The following RELN variants were observed in gnomAD, a reference collection of about 807,000 sequenced individuals.
RELN encodes reelin.
A neutral mutation model predicts 427.6 loss-of-function variants in RELN; 108 were observed. The observed-to-expected ratio is 0.25, with a 90% CI of 0.22 to 0.30. RELN has a LOEUF of 0.30. Among genes scored for constraint, RELN ranks in the 10% least tolerant of loss-of-function variants. The pLI is 1.00. For missense variants in RELN, 3,715 were observed against 4,302.8 expected, an observed-to-expected ratio of 0.86 and a Z score of 3.82; for synonymous variants, 1,524 against 1,513.4, an observed-to-expected ratio of 1.01 and a Z score of -0.16.
Position 103,850,036 on chromosome 7 carries a change from T to C in RELN, c.338-16364A>G, listed in dbSNP as rs112494874. 5.1e-3 allele frequency among the ~76,000 whole-genome samples: 773 copies of C among 152,328 alleles called. 8 individuals carry two copies. The highest frequency in any genetic ancestry group is 0.018 in the African/African-American group (744 of 41,578). On this transcript the variant is annotated intron_variant, in intron 2 of 64. Coordinates refer to ENST00000428762, the MANE Select transcript of RELN (RefSeq NM_005045.4). ...ATCTCCATAATTTCATAATACCAAG[T>C]GAATGGTTCTATCATTGAACATACC...
chr7:103,706,974 C>T, intron 8 of RELN, among the ~76,000 whole-genome samples: 1 of 152,124 alleles, frequency 6.6e-6, no homozygotes, highest in Non-Finnish European at 1.5e-5. Context: ...GTAGACCCTC[C>T]TCCTGCTCAT....
intron 3 of RELN, among the ~76,000 whole-genome samples, chr7:103,791,897 C>T (rs1392812598): frequency 1.3e-5 from 2 of 151,922 alleles, no homozygotes; most frequent in African/African-American, 4.8e-5. Context: ...ATAAGTAACT[C>T]AATTTAAAAA....
intron 53 of RELN, among the ~76,000 whole-genome samples, chr7:103,499,813 G>A (rs923824703): frequency 2.0e-5 from 3 of 152,150 alleles, no homozygotes; most frequent in African/African-American, 7.2e-5. Context: ...TTATCCAACT[G>A]AGGAATACTA....
chr7:103,870,198 T>C (rs575889209), intron 2 of RELN, among the ~76,000 whole-genome samples: 2 of 152,256 alleles, frequency 1.3e-5, no homozygotes, highest in South Asian at 4.1e-4. Flanking sequence ...CTATGTATAA[T>C]ATCTTTAAAG....
intron 46 of RELN, among the ~76,000 whole-genome samples, chr7:103,529,118 G>C (rs535039595): frequency 5.4e-4 from 76 of 139,816 alleles, no homozygotes; most frequent in African/African-American, 1.9e-3. Flanking sequence ...CCTGACAACA[G>C]AGTGAGACTC....
At chr7:103,792,622 TA>T (rs1209306078) in intron 3 of RELN, among the ~76,000 whole-genome samples, 1 of 151,998 alleles carries the variant, frequency 6.6e-6, no homozygotes, top group Non-Finnish European at 1.5e-5. Flanking sequence ...GGGTGTCTTT[TA>T]GGGGTAATAA....
rs1246797984 is a variant in RELN at position 103,492,042 on chromosome 7, A to C, written c.9370-16T>G. The C allele has an allele frequency of 1.9e-6, 3 of 1,589,806 alleles. No homozygotes were observed. Among genetic ancestry groups the C allele is most frequent in the Non-Finnish European group, 2.6e-6 (3 of 1,159,352 alleles). On this transcript the variant is annotated splice_polypyrimidine_tract_variant and intron_variant, in intron 57 of 64. Coordinates refer to ENST00000428762, the MANE Select transcript of RELN (RefSeq NM_005045.4). ...CCACCACAATCTAAAACAAACATAA[A>C]CAATCAATACACAGGTAAGATTAGA... is the stretch of plus-strand genomic sequence containing the variant.
chr7:103,617,200 G>A (rs1051699863), intron 20 of RELN, among the ~76,000 whole-genome samples: 3 of 152,018 alleles, frequency 2.0e-5, no homozygotes, highest in African/African-American at 7.2e-5. Flanking sequence ...CATGGACTTT[G>A]CCCATTTTTA....
intron 10 of RELN, among the ~76,000 whole-genome samples, chr7:103,685,616 A>G (rs944521640): frequency 2.0e-5 from 3 of 152,106 alleles, no homozygotes; most frequent in South Asian, 2.1e-4. Flanking sequence ...ACATTATTAT[A>G]TAATTATAAT....
At chr7:103,828,834 C>T (rs952261793) in intron 3 of RELN, among the ~76,000 whole-genome samples, 20 of 151,932 alleles carry the variant, frequency 1.3e-4, no homozygotes, top group Admixed American at 3.9e-4. Context: ...AGGAAACACA[C>T]GTGGGCCACC....
intron 2 of RELN, among the ~76,000 whole-genome samples, chr7:103,857,827 TC>T (rs1793981524): frequency 1.3e-5 from 2 of 152,152 alleles, no homozygotes; most frequent in Admixed American, 6.6e-5. Context: ...TAATCAGTTG[TC>T]CTACTCCATG....
chr7:103,773,144 CTTTCTTTCTTTCTTTCTT>C (rs1460693523), intron 4 of RELN, among the ~76,000 whole-genome samples: 1 of 125,960 alleles, frequency 7.9e-6, no homozygotes, highest in African/African-American at 2.9e-5. Flanking sequence ...TTCTTTCTTT[CTTTCTTTCTTTCTTTCTT>C]TCTTTTTCTT....
chr7:103,737,907 G>T (rs556147267), intron 6 of RELN, among the ~76,000 whole-genome samples: 49 of 152,090 alleles, frequency 3.2e-4, no homozygotes, highest in Non-Finnish European at 6.0e-4. Flanking sequence ...CCAACTGATG[G>T]AGGTCTTCTT....
chr7:103,605,662 C>T (rs1024743132), intron 22 of RELN, among the ~76,000 whole-genome samples: 1 of 152,198 alleles, frequency 6.6e-6, no homozygotes, highest in Admixed American at 6.5e-5. Context: ...ATGCTCAGTT[C>T]CACTGAAGGA....
intron 24 of RELN, among the ~76,000 whole-genome samples, chr7:103,598,020 T>C (rs532139010): frequency 3.7e-4 from 56 of 152,316 alleles, no homozygotes; most frequent in South Asian, 1.7e-3. Context: ...CCTGAGATAA[T>C]ATACATAGTA....
chr7:103,757,020 T>C (rs1341087658), intron 4 of RELN, among the ~76,000 whole-genome samples: 1 of 152,160 alleles, frequency 6.6e-6, no homozygotes. Context: ...CCGTAGGAAG[T>C]TCACCATCTT....
At chr7:103,856,667 T>C (rs1287185451) in intron 2 of RELN, among the ~76,000 whole-genome samples, 1 of 151,778 alleles carries the variant, frequency 6.6e-6, no homozygotes, top group African/African-American at 2.4e-5. Flanking sequence ...GGAAATCGTA[T>C]ATAGGAGTAA....
chr7:103,524,465 T>C (rs1489676473), intron 46 of RELN, among the ~76,000 whole-genome samples: 2 of 152,104 alleles, frequency 1.3e-5, no homozygotes, highest in Non-Finnish European at 2.9e-5. Context: ...ATTCACGGAG[T>C]TCTGGAGAGT....
At chr7:103,540,931 T>C in intron 43 of RELN, among the ~76,000 whole-genome samples, 1 of 152,252 alleles carries the variant, frequency 6.6e-6, no homozygotes, top group East Asian at 1.9e-4. Flanking sequence ...CCAGTCGTTT[T>C]TCAGATCTCA....
Sources: gnomAD v4.1 joint callset for allele counts (sites outside exome capture counted in the v4.1 genomes callset) on GRCh38, gnomAD v4.1.1 for gene constraint, MANE v1.5 for transcripts, NCBI Gene and HGNC (gene_info 2026-07-23, HGNC 2026-07-21) for gene names.